CADPS2: variants seen among roughly 807,000 people sequenced by gnomAD.
The protein encoded by CADPS2 is calcium-dependent secretion activator 2.
In CADPS2, 93 loss-of-function variants were observed where a neutral mutation model predicts 172.5. The observed-to-expected ratio is 0.54, with a 90% CI of 0.46 to 0.64. The LOEUF (loss-of-function observed/expected upper bound fraction) is 0.64. Among genes scored for constraint, CADPS2 ranks in the 30% least tolerant of loss-of-function variants. The probability of loss-of-function intolerance (pLI) is 0.00; values close to 1 mark genes in which losing one functional copy is unlikely to be tolerated. For missense variants in CADPS2, 1,420 were observed against 1,565.9 expected, an observed-to-expected ratio of 0.91 and a Z score of 1.57; for synonymous variants, 546 against 555.2, an observed-to-expected ratio of 0.98 and a Z score of 0.23.
chr7:122,355,889 GTAT>G (rs1177943078), intron 27 of CADPS2, among the ~76,000 whole-genome samples: 3 of 152,128 alleles, frequency 2.0e-5, no homozygotes, highest in African/African-American at 7.2e-5. Context: ...TAACAGTAAG[GTAT>G]TATTAAGTCC....
At chr7:122,436,402 T>A in intron 17 of CADPS2, 1 of 1,264,990 alleles carries the variant, frequency 7.9e-7, no homozygotes, top group Non-Finnish European at 1.0e-6. Flanking sequence ...GAAAAGAGAA[T>A]TTAGGAGAAA....
intron 1 of CADPS2, among the ~76,000 whole-genome samples, chr7:122,870,556 A>C (rs1819498111): frequency 6.6e-6 from 1 of 152,054 alleles, no homozygotes; most frequent in Non-Finnish European, 1.5e-5. Flanking sequence ...GATCTACTGC[A>C]TTGCATGGTG....
At chr7:122,806,215 A>G (rs552452217) in intron 1 of CADPS2, among the ~76,000 whole-genome samples, 9 of 152,340 alleles carry the variant, frequency 5.9e-5, no homozygotes, top group Middle Eastern at 3.4e-3. Context: ...ATGTTTCCTT[A>G]TATCTCTGAG....
At position 122,533,080 on chromosome 7, in the gene CADPS2, C is replaced by A. The variant is rs191831083; in HGVS notation, c.1476-19765G>T. The stretch of plus-strand genomic sequence containing the variant: ...ACTCTTGCCCTCTAGAGATGTGGGG[C>A]TAAGTAACCCTCAAATCTCTTTTAG... On this transcript the variant is annotated intron_variant, in intron 8 of 29. Coordinates refer to ENST00000449022, the MANE Select transcript of CADPS2 (RefSeq NM_017954.11). 3.3e-5 allele frequency among the ~76,000 whole-genome samples: 5 copies of A among 152,170 alleles called. No individual in the cohort carries two copies. The East Asian group carries it at 9.7e-4, about 29-fold the overall frequency.
chr7:122,743,767 A>G (rs1163681228), intron 1 of CADPS2, among the ~76,000 whole-genome samples: 1 of 152,176 alleles, frequency 6.6e-6, no homozygotes, highest in Non-Finnish European at 1.5e-5. Flanking sequence ...GATCAGTACT[A>G]TTTTCTTCTT....
intron 17 of CADPS2, among the ~76,000 whole-genome samples, chr7:122,431,859 T>G (rs563446725): frequency 4.4e-4 from 54 of 124,114 alleles, no homozygotes; most frequent in Non-Finnish European, 7.4e-4. Flanking sequence ...AGGCAGAGGT[T>G]GCAGTGGGCC....
chr7:122,402,360 T>G (rs1459944193), intron 20 of CADPS2, among the ~76,000 whole-genome samples: 2 of 152,184 alleles, frequency 1.3e-5, no homozygotes, highest in Non-Finnish European at 2.9e-5. Context: ...GACCCAGTAC[T>G]CAGGCTCTGA....
intron 17 of CADPS2, among the ~76,000 whole-genome samples, chr7:122,430,076 C>T (rs1474548560): frequency 2.0e-5 from 3 of 152,106 alleles, no homozygotes; most frequent in Non-Finnish European, 4.4e-5. Context: ...GTCTGGGCCT[C>T]TGGGAAAGCA....
intron 11 of CADPS2, among the ~76,000 whole-genome samples, chr7:122,486,392 T>C (rs1173629454): frequency 6.6e-6 from 1 of 152,128 alleles, no homozygotes; most frequent in Non-Finnish European, 1.5e-5. Context: ...CAGGGATAAC[T>C]TTAAGGGATT....
intron 1 of CADPS2, among the ~76,000 whole-genome samples, chr7:122,794,380 C>T (rs1347906329): frequency 2.6e-5 from 4 of 151,878 alleles, no homozygotes; most frequent in Non-Finnish European, 4.4e-5. Flanking sequence ...CTTTCCTCCA[C>T]CTGGTCTGTT....
chr7:122,883,646 A>T (rs1408979110), intron 1 of CADPS2, among the ~76,000 whole-genome samples: 1 of 152,212 alleles, frequency 6.6e-6, no homozygotes, highest in African/African-American at 2.4e-5. Flanking sequence ...AGAGGAAACC[A>T]GACTGCCAAA....
At chr7:122,836,654 A>G (rs1343691852) in intron 1 of CADPS2, among the ~76,000 whole-genome samples, 2 of 152,200 alleles carry the variant, frequency 1.3e-5, no homozygotes, top group Non-Finnish European at 1.5e-5. Context: ...CAGACTTTAA[A>G]CCAACAAAGA....
chr7:122,886,411 T>C lies in CADPS2; in HGVS notation c.-74A>G. The stretch of plus-strand genomic sequence containing the variant: ...CCCCCGGCGGCTGCGCCCGCGGGTC[T>C]GAGGGAGCCGCGGGGCTGGCTGCAG... On this transcript the variant is annotated 5_prime_UTR_variant, in exon 1 of 30. Coordinates refer to ENST00000449022, the MANE Select transcript of CADPS2 (RefSeq NM_017954.11). 2 of 1,430,394 alleles carry C rather than the reference T, an allele frequency of 1.4e-6. No homozygotes were observed. The highest frequency in any genetic ancestry group is 1.8e-6 in the Non-Finnish European group (2 of 1,105,304). The allele number at this position is 1,430,394 out of a possible 1,614,324, so 88.6% of individuals were successfully genotyped here. A position where few individuals can be genotyped will look rare whatever the true frequency, so the allele number is the denominator to read the frequency against.
At chr7:122,799,816 G>C (rs1347084471) in intron 1 of CADPS2, among the ~76,000 whole-genome samples, 2 of 152,072 alleles carry the variant, frequency 1.3e-5, no homozygotes, top group Admixed American at 6.6e-5. Flanking sequence ...CTATCATAGA[G>C]AGTTTGTTCA....
At position 122,886,092 on chromosome 7, in the gene CADPS2, C is replaced by A; in HGVS notation, c.246G>T (p.Arg82Ser). The A allele has an allele frequency of 6.3e-7, 1 of 1,582,144 alleles. No individual in the cohort carries two copies. The highest frequency in any genetic ancestry group is 1.2e-5 in the South Asian group (1 of 86,340). Residue 82 changes from arginine to serine, a missense_variant, in exon 1 of 30, where the codon AGG becomes AGT. Arg to Ser is a moderately radical substitution (Grantham distance 110, BLOSUM62 -1). Transcript: ENST00000449022. ...QRQLDDEQER[R>S]IRLQLYVFVV... Reference sequence around the variant, plus strand: ...CGAAGACGTAGAGCTGCAGGCGGATCCTCCGCTCCTGCTCATCGTCCAGCT... The same window carrying A: ...CGAAGACGTAGAGCTGCAGGCGGATACTCCGCTCCTGCTCATCGTCCAGCT...
chr7:122,857,118 G>A (rs1345884107), intron 1 of CADPS2, among the ~76,000 whole-genome samples: 1 of 152,048 alleles, frequency 6.6e-6, no homozygotes, highest in African/African-American at 2.4e-5. Flanking sequence ...AAAATATTCA[G>A]GATACAATGC....
intron 19 of CADPS2, among the ~76,000 whole-genome samples, chr7:122,408,598 T>C (rs6466818): frequency 0.013 from 2,026 of 152,240 alleles, 42 homozygotes; most frequent in African/African-American, 0.045. Context: ...CTAATGTTTT[T>C]GTATTTTTAG....
chr7:122,640,761 C>A (rs113016030), intron 3 of CADPS2, among the ~76,000 whole-genome samples: 10 of 152,064 alleles, frequency 6.6e-5, no homozygotes, highest in African/African-American at 2.4e-4. Context: ...GAAACCACGT[C>A]TCTACTAAAA....
intron 8 of CADPS2, among the ~76,000 whole-genome samples, chr7:122,554,061 A>T (rs1424238474): frequency 6.6e-6 from 1 of 152,096 alleles, no homozygotes; most frequent in African/African-American, 2.4e-5. Flanking sequence ...AGTTTTCTCC[A>T]ATATTGATTC....
Sources: gnomAD v4.1 joint callset for allele counts (sites outside exome capture counted in the v4.1 genomes callset) on GRCh38, gnomAD v4.1.1 for gene constraint, MANE v1.5 for transcripts, NCBI Gene and HGNC (gene_info 2026-07-23, HGNC 2026-07-21) for gene names.